The following COL4A5 variants were observed in gnomAD, a reference collection of about 807,000 sequenced individuals.
The protein encoded by COL4A5 is collagen alpha-5(IV) chain.
Under a neutral mutation model 130.2 loss-of-function variants are expected in COL4A5, and 26 were observed. The ratio of observed to expected loss-of-function variants is 0.20; its 90% CI spans 0.15 to 0.28. COL4A5 has a LOEUF of 0.28. Among genes scored for constraint, COL4A5 ranks in the 10% least tolerant of loss-of-function variants. The probability of loss-of-function intolerance (pLI) is 1.00; values close to 1 mark genes in which losing one functional copy is unlikely to be tolerated. For missense variants in COL4A5, 1,131 were observed against 1,344.3 expected (o/e 0.84, Z 2.48); for synonymous variants, 496 against 439.6 (o/e 1.13, Z -1.60).
intron 1 of COL4A5, among the ~76,000 whole-genome samples, chrX:108,467,843 A>C (rs1050513946): frequency 9.0e-6 from 1 of 111,205 alleles, no homozygotes; most frequent in African/African-American, 3.3e-5. Context: ...TTGTGTTTTG[A>C]TTTTGTACCC....
intron 28 of COL4A5, among the ~76,000 whole-genome samples, chrX:108,606,137 C>A (rs2066724661): frequency 8.9e-6 from 1 of 111,804 alleles, no homozygotes; most frequent in Admixed American, 9.5e-5. Flanking sequence ...AAAACCACTT[C>A]TCTATTGGTT....
chrX:108,638,699 T>C (rs1233003700), intron 36 of COL4A5, among the ~76,000 whole-genome samples: 1 of 111,763 alleles, frequency 8.9e-6, no homozygotes, highest in African/African-American at 3.2e-5. Flanking sequence ...GGAAAATAGG[T>C]AGAACTAATA....
intron 2 of COL4A5, among the ~76,000 whole-genome samples, chrX:108,552,625 T>C (rs1282900354): frequency 1.8e-5 from 2 of 111,327 alleles, no homozygotes; most frequent in Non-Finnish European, 3.8e-5. Context: ...AATATTGCGG[T>C]GAGAAATAAA....
chrX:108,627,389 T>C (rs1200140983), intron 36 of COL4A5: 4 of 725,064 alleles, frequency 5.5e-6, no homozygotes, highest in Non-Finnish European at 6.5e-6. Flanking sequence ...CATTTATATA[T>C]ATGCATATAG....
At chrX:108,453,678 C>G in intron 1 of COL4A5, among the ~76,000 whole-genome samples, 1 of 111,382 alleles carries the variant, frequency 9.0e-6, no homozygotes, top group East Asian at 2.8e-4. Context: ...GAGGCCAACT[C>G]CATCTTTTAC....
intron 36 of COL4A5, among the ~76,000 whole-genome samples, chrX:108,628,652 C>A (rs1207543750): frequency 8.9e-6 from 1 of 111,805 alleles, no homozygotes; most frequent in Non-Finnish European, 1.9e-5. Context: ...GAAGATGCAT[C>A]CACTGTCTGT....
At chrX:108,530,282 A>G (rs1439194519) in intron 1 of COL4A5, among the ~76,000 whole-genome samples, 1 of 111,824 alleles carries the variant, frequency 8.9e-6, no homozygotes, top group Non-Finnish European at 1.9e-5. Context: ...TGGAAATTAA[A>G]TAACATGCTC....
intron 2 of COL4A5, among the ~76,000 whole-genome samples, chrX:108,545,751 T>C (rs1390659596): frequency 6.3e-5 from 7 of 111,103 alleles, no homozygotes; most frequent in Non-Finnish European, 1.3e-4. Context: ...CTAAGTCTCT[T>C]TCTAGGTCTC....
intron 4 of COL4A5, among the ~76,000 whole-genome samples, chrX:108,565,984 CTTTTTT>C (rs113282994): frequency 1.2e-5 from 1 of 86,765 alleles, no homozygotes. Context: ...GGCTATTCTT[CTTTTTT>C]TTTTTTTTTT....
chrX:108,457,337 G>C (rs147279915), intron 1 of COL4A5, among the ~76,000 whole-genome samples: 1,163 of 111,803 alleles, frequency 0.01, 9 homozygotes, highest in Non-Finnish European at 0.017. Context: ...GAAAGTTGTA[G>C]TTGTTCCTCG....
chrX:108,625,115 G>A (rs186879776), intron 34 of COL4A5, among the ~76,000 whole-genome samples: 1 of 112,172 alleles, frequency 8.9e-6, no homozygotes, highest in East Asian at 2.8e-4. Flanking sequence ...AGGCAATACT[G>A]TGGTCCTAGG....
intron 36 of COL4A5, among the ~76,000 whole-genome samples, chrX:108,637,853 C>CTT (rs780689078): frequency 5.0e-5 from 5 of 100,267 alleles, no homozygotes; most frequent in East Asian, 3.1e-4. Flanking sequence ...TTCTACCAAT[C>CTT]TTTTTTTTTT....
intron 43 of COL4A5, 84 bp downstream of exon 43, chrX:108,674,837 A>C: frequency 1.0e-6 from 1 of 997,683 alleles, no homozygotes; most frequent in Middle Eastern, 2.7e-4. Flanking sequence ...ATTTTTTGCT[A>C]TAATTCAGAA....
At chrX:108,666,897 T>G (rs753259894) in intron 39 of COL4A5, among the ~76,000 whole-genome samples, 1 of 112,490 alleles carries the variant, frequency 8.9e-6, no homozygotes, top group South Asian at 3.7e-4. Context: ...CATTTATATT[T>G]TTTTCTTATA....
chrX:108,511,727 A>T (rs1387079990), intron 1 of COL4A5, among the ~76,000 whole-genome samples: 2 of 112,109 alleles, frequency 1.8e-5, no homozygotes, highest in Non-Finnish European at 3.8e-5. Flanking sequence ...TCTTCAACAA[A>T]TGGTGCTGGG....
At chrX:108,476,382 C>T (rs980414207) in intron 1 of COL4A5, among the ~76,000 whole-genome samples, 2 of 109,717 alleles carry the variant, frequency 1.8e-5, no homozygotes, top group Non-Finnish European at 3.8e-5. Flanking sequence ...ATGGGGTATC[C>T]GTCCCCTCAA....
intron 1 of COL4A5, among the ~76,000 whole-genome samples, chrX:108,477,005 A>T (rs1390381899): frequency 9.0e-6 from 1 of 111,648 alleles, no homozygotes; most frequent in African/African-American, 3.3e-5. Flanking sequence ...GCATGGGAGA[A>T]AGATGTAGGC....
intron 2 of COL4A5, among the ~76,000 whole-genome samples, chrX:108,544,755 T>G (rs1441496317): frequency 1.8e-5 from 2 of 111,172 alleles, no homozygotes; most frequent in South Asian, 7.6e-4. Context: ...TTTTTTGGTT[T>G]GTAAGCTATT....
chrX:108,463,691 AT>A (rs771924481), intron 1 of COL4A5, among the ~76,000 whole-genome samples: 1 of 111,825 alleles, frequency 8.9e-6, no homozygotes, highest in Non-Finnish European at 1.9e-5. Context: ...AAGGTGTAAC[AT>A]GGGAGATATA....
Sources: allele counts gnomAD v4.1 joint callset (sites outside exome capture counted in the v4.1 genomes callset), GRCh38; gene constraint gnomAD v4.1.1; transcripts MANE v1.5; gene names NCBI Gene and HGNC (gene_info 2026-07-23, HGNC 2026-07-21).